The following IL1RAP variants were observed in gnomAD, a reference collection of about 807,000 sequenced individuals.
IL1RAP encodes the protein interleukin-1 receptor accessory protein.
A neutral mutation model predicts 60.7 loss-of-function variants in IL1RAP; 35 were observed. The observed-to-expected ratio is 0.58, with a 90% confidence interval of 0.44 to 0.76. The LOEUF is 0.76. Among genes scored for constraint, IL1RAP ranks in the 30% least tolerant of loss-of-function variants. The pLI, the probability that IL1RAP is intolerant of heterozygous loss-of-function variation, is 0.00. For missense variants in IL1RAP, 572 were observed against 693.9 expected, an observed-to-expected ratio of 0.82 and a Z score of 1.97; for synonymous variants, 268 against 250.9, an observed-to-expected ratio of 1.07 and a Z score of -0.64.
At chr3:190,604,810 G>A (rs1730160340) in intron 4 of IL1RAP, among the ~76,000 whole-genome samples, 1 of 152,122 alleles carries the variant, frequency 6.6e-6, no homozygotes. Flanking sequence ...AAAGTACTTG[G>A]CACAGAAGAG....
intron 1 of IL1RAP, among the ~76,000 whole-genome samples, chr3:190,546,166 G>A (rs1724353132): frequency 6.6e-6 from 1 of 152,166 alleles, no homozygotes; most frequent in African/African-American, 2.4e-5. Flanking sequence ...AAGGGACTTC[G>A]AACCTGCAAG....
intron 1 of IL1RAP, among the ~76,000 whole-genome samples, chr3:190,533,609 G>C (rs1331412255): frequency 6.6e-6 from 1 of 152,178 alleles, no homozygotes; most frequent in African/African-American, 2.4e-5. Flanking sequence ...TGGAAGACTT[G>C]TGTCTGGGCC....
At chr3:190,539,286 A>C (rs553324432) in intron 1 of IL1RAP, among the ~76,000 whole-genome samples, 5 of 152,314 alleles carry the variant, frequency 3.3e-5, no homozygotes, top group Admixed American at 2.0e-4. Context: ...ACAAGGTCAG[A>C]GTAAGATCCA....
chr3:190,601,818 G>A (rs1350540312), intron 3 of IL1RAP, among the ~76,000 whole-genome samples: 2 of 152,076 alleles, frequency 1.3e-5, no homozygotes, highest in Admixed American at 1.3e-4. Context: ...AGGTGGGCCA[G>A]CTGCCAGCTG....
At chr3:190,526,559 T>A (rs1322380176) in intron 1 of IL1RAP, among the ~76,000 whole-genome samples, 3 of 152,192 alleles carry the variant, frequency 2.0e-5, no homozygotes, top group African/African-American at 7.2e-5. Context: ...TAGCAGAAGG[T>A]ACTCACTACC....
chr3:190,521,300 A>AT (rs893418031), intron 1 of IL1RAP, among the ~76,000 whole-genome samples: 60 of 147,728 alleles, frequency 4.1e-4, no homozygotes, highest in South Asian at 2.1e-3. Context: ...CACATGTAAC[A>AT]TTTTTTTTTT....
At chr3:190,585,786 T>C (rs1728402947) in intron 3 of IL1RAP, among the ~76,000 whole-genome samples, 1 of 151,660 alleles carries the variant, frequency 6.6e-6, no homozygotes, top group African/African-American at 2.4e-5. Flanking sequence ...CACTCCAGCC[T>C]GGGTGACAGA....
chr3:190,607,751 ATTGT>A (rs1431166359), intron 4 of IL1RAP, among the ~76,000 whole-genome samples: 1 of 152,118 alleles, frequency 6.6e-6, no homozygotes, highest in Non-Finnish European at 1.5e-5. Context: ...TTCATGCCTG[ATTGT>A]TTGTATACAT....
In IL1RAP at chr3:190,557,173, A is replaced by T. The variant is rs138987797; in HGVS notation, c.-2+957A>T. On this transcript the variant is annotated intron_variant, in intron 2 of 11. Transcript: ENST00000447382. ...ATGAATATTCCTCACCTCTTCTCTC[A>T]GGCTCTCCAGTATCACACAGTCAAA... Among the ~76,000 whole-genome samples the T allele has an allele frequency of 6.4e-3, 976 of 152,270 alleles. 2 individuals carry two copies. The highest frequency in any genetic ancestry group is 0.011 in the Non-Finnish European group (751 of 68,002).
Position 190,648,861 on chromosome 3 carries a change from G to C in IL1RAP, c.*156G>C. The C allele has an allele frequency of 2.8e-6, 4 of 1,417,192 alleles. No homozygotes were observed. Among genetic ancestry groups the C allele is most frequent in the Non-Finnish European group, 3.7e-6 (4 of 1,087,528 alleles). The allele number at this position is 1,417,192 out of a possible 1,614,324, so 87.8% of individuals were successfully genotyped here. On this transcript the variant is annotated 3_prime_UTR_variant, in exon 12 of 12. Coordinates refer to ENST00000447382, the MANE Select transcript of IL1RAP (RefSeq NM_002182.4). ...GGGTGACTGTGTGGCTGACTATTCT[G>C]CTTCCTCAGGCAACACTAAAGTTTA...
chr3:190,535,176 G>A (rs561505495), intron 1 of IL1RAP, among the ~76,000 whole-genome samples: 1 of 152,232 alleles, frequency 6.6e-6, no homozygotes, highest in Non-Finnish European at 1.5e-5. Context: ...TTACTCATTT[G>A]ACATATCAAC....
At chr3:190,605,219 T>A (rs967047270) in intron 4 of IL1RAP, among the ~76,000 whole-genome samples, 3 of 152,214 alleles carry the variant, frequency 2.0e-5, no homozygotes, top group Non-Finnish European at 2.9e-5. Context: ...CAATTTACCA[T>A]GACTGTAAAA....
intron 3 of IL1RAP, among the ~76,000 whole-genome samples, chr3:190,581,859 C>G (rs1472156933): frequency 6.6e-6 from 1 of 152,196 alleles, no homozygotes; most frequent in Admixed American, 6.6e-5. Context: ...TTCCTTTCTT[C>G]ATGCTCGTTT....
chr3:190,649,279 A>G lies in IL1RAP; in HGVS notation c.*574A>G. Reference sequence around the variant, plus strand: ...AGTGTAACTGAAAATGTTTCTTTTAATTGATTTAAAGGACTTGTCTTCTAT... The same window carrying G: ...AGTGTAACTGAAAATGTTTCTTTTAGTTGATTTAAAGGACTTGTCTTCTAT... On this transcript the variant is annotated 3_prime_UTR_variant, in exon 12 of 12. Transcript: ENST00000447382. The G allele has an allele frequency of 1.0e-6, 1 of 985,786 alleles. No homozygotes were observed. The highest frequency in any genetic ancestry group is 1.2e-6 in the Non-Finnish European group (1 of 829,876). 61.1% of individuals were successfully genotyped at this position (985,786 alleles called of 1,614,324 possible).
chr3:190,579,870 T>C (rs961909551), intron 3 of IL1RAP, among the ~76,000 whole-genome samples: 1 of 152,222 alleles, frequency 6.6e-6, no homozygotes, highest in Admixed American at 6.5e-5. Flanking sequence ...TTTCACTTAA[T>C]GCAATGTTTT....
intron 1 of IL1RAP, among the ~76,000 whole-genome samples, chr3:190,522,431 C>G (rs868708907): frequency 0.021 from 2,973 of 143,508 alleles, 42 homozygotes; most frequent in Non-Finnish European, 0.03. Flanking sequence ...ATCTATCTAT[C>G]TATCTATCTA....
Position 190,629,457 on chromosome 3 carries a change from C to T in IL1RAP, c.1010C>T (p.Ala337Val). The T allele has an allele frequency of 6.2e-7, 1 of 1,613,320 alleles. No homozygotes were observed. The highest frequency in any genetic ancestry group is 8.5e-7 in the Non-Finnish European group (1 of 1,179,658). Residue 337 changes from alanine to valine, a missense_variant, in exon 9 of 12, where the codon GCC becomes GTC. Physicochemically the swap from Ala to Val is moderately conservative, Grantham distance 64. Transcript: ENST00000447382. ...AGCTATGTCTGTCATGCTAGAAGTG[C>T]CAAAGGCGAAGTTGCCAAAGCAGCC... ...KRSYVCHARS[A>V]KGEVAKAAKV...
At chr3:190,607,283 C>T (rs542800616) in intron 4 of IL1RAP, among the ~76,000 whole-genome samples, 1 of 152,308 alleles carries the variant, frequency 6.6e-6, no homozygotes, top group South Asian at 2.1e-4. Context: ...TATCCCATCA[C>T]TGTAAAAAAT....
In IL1RAP at chr3:190,564,366, C is replaced by T. The variant is rs1726180018; in HGVS notation, c.64+13C>T. 1.9e-6 allele frequency: 3 copies of T among 1,586,306 alleles called. No individual in the cohort carries two copies. Among genetic ancestry groups the T allele is most frequent in the African/African-American group, 1.3e-5 (1 of 74,320 alleles). On this transcript the variant is annotated intron_variant, in intron 3 of 11. Transcript: ENST00000447382. Reference sequence around the variant, plus strand: ...AGTGATGCCTCAGGTAAGTGAATGGCTTTTGACAATGTATTAAAATGCAAG... The same window carrying T: ...AGTGATGCCTCAGGTAAGTGAATGGTTTTTGACAATGTATTAAAATGCAAG...
Sources: allele counts gnomAD v4.1 joint callset (sites outside exome capture counted in the v4.1 genomes callset), GRCh38; gene constraint gnomAD v4.1.1; transcripts MANE v1.5; gene names NCBI Gene and HGNC (gene_info 2026-07-23, HGNC 2026-07-21).